The following KYNU variants were observed in gnomAD, a reference collection of about 807,000 sequenced individuals.
KYNU encodes L-kynurenine hydrolase.
KYNU carries 54 observed loss-of-function variants against 59.2 expected under a neutral mutation model. The observed-to-expected ratio is 0.91, with a 90% confidence interval of 0.73 to 1.14. The LOEUF (loss-of-function observed/expected upper bound fraction) is 1.14, where lower values mean the gene tolerates loss of function less well. Among genes scored for constraint, KYNU ranks in the 50% most tolerant of loss-of-function variants. The probability of loss-of-function intolerance (pLI) is 0.00; values close to 1 mark genes in which losing one functional copy is unlikely to be tolerated. For synonymous variants in KYNU, 177 were observed against 192.0 expected (o/e 0.92, Z 0.65); for missense variants, 567 against 554.4 (o/e 1.02, Z -0.23).
chr2:142,926,746 C>T (rs932682770), intron 3 of KYNU, among the ~76,000 whole-genome samples: 6 of 152,188 alleles, frequency 3.9e-5, no homozygotes, highest in Non-Finnish European at 8.8e-5. Context: ...CTGTCAGAAG[C>T]TTGCCCTAAC....
At chr2:142,909,630 A>G (rs1682414796) in intron 2 of KYNU, among the ~76,000 whole-genome samples, 1 of 152,172 alleles carries the variant, frequency 6.6e-6, no homozygotes, top group Non-Finnish European at 1.5e-5. Context: ...AAATGACATG[A>G]TTGCATTCTT....
chr2:142,884,688 C>CTTTTTTTTTT (rs70997529), intron 1 of KYNU, among the ~76,000 whole-genome samples: 23 of 77,050 alleles, frequency 3.0e-4, no homozygotes, highest in East Asian at 7.5e-4. Context: ...TTCTCTTTTC[C>CTTTTTTTTTT]TTTTTTTTTT....
At chr2:143,035,907 G>A (rs911321697) in intron 12 of KYNU, among the ~76,000 whole-genome samples, 2 of 152,108 alleles carry the variant, frequency 1.3e-5, no homozygotes, top group Admixed American at 6.6e-5. Context: ...ACAGCAGCTG[G>A]GACTACAAGA....
chr2:143,035,912 A>G (rs941470540), intron 12 of KYNU, among the ~76,000 whole-genome samples: 1 of 152,120 alleles, frequency 6.6e-6, no homozygotes, highest in South Asian at 2.1e-4. Flanking sequence ...AGCTGGGACT[A>G]CAAGAGTGCA....
Position 142,912,703 on chromosome 2 carries a change from C to CTTTTT in KYNU, c.170-5886_170-5882dup, listed in dbSNP as rs1163302368. On this transcript the variant is annotated intron_variant, in intron 2 of 13. Transcript: ENST00000264170. ...TGGGATCTTTTGTATTTCTTTCTTC[C>CTTTTT]TTTTTTTTTTTTTTTTTTTTTTTTG... Among the ~76,000 whole-genome samples, 76 of 71,864 alleles carry CTTTTT rather than the reference C, an allele frequency of 1.1e-3. 1 individual carries two copies. The highest frequency in any genetic ancestry group is 1.5e-3 in the African/African-American group (21 of 14,212). The allele number at this position is 71,864 out of a possible 152,430, so 47.1% of individuals were successfully genotyped here. A position where few individuals can be genotyped will look rare whatever the true frequency, so the allele number is the denominator to read the frequency against.
At chr2:142,936,472 C>T (rs1364970463) in intron 4 of KYNU, among the ~76,000 whole-genome samples, 4 of 152,050 alleles carry the variant, frequency 2.6e-5, no homozygotes, top group Non-Finnish European at 4.4e-5. Flanking sequence ...TTTCCCATAA[C>T]GGAGGGTAGG....
At chr2:142,919,053 C>T (rs766527680) in intron 3 of KYNU, among the ~76,000 whole-genome samples, 31 of 152,098 alleles carry the variant, frequency 2.0e-4, no homozygotes, top group Non-Finnish European at 3.7e-4. Flanking sequence ...GGAATAGTGA[C>T]GAGAAAAAAA....
At chr2:142,935,469 G>T (rs867272270) in intron 4 of KYNU, among the ~76,000 whole-genome samples, 1 of 152,162 alleles carries the variant, frequency 6.6e-6, no homozygotes, top group African/African-American at 2.4e-5. Context: ...GTGATGAATT[G>T]TATCAGCCTG....
intron 4 of KYNU, among the ~76,000 whole-genome samples, chr2:142,928,343 C>T (rs1471594296): frequency 6.6e-6 from 1 of 151,992 alleles, no homozygotes; most frequent in Admixed American, 6.6e-5. Context: ...CTTAAATATT[C>T]AGCATTGTTT....
chr2:142,904,265 G>T (rs555769732), intron 2 of KYNU, among the ~76,000 whole-genome samples: 5 of 152,104 alleles, frequency 3.3e-5, no homozygotes, highest in African/African-American at 4.8e-5. Context: ...TAATCTATAG[G>T]CTTCTTCCTA....
chr2:142,933,274 A>G (rs1683286903), intron 4 of KYNU, among the ~76,000 whole-genome samples: 1 of 152,132 alleles, frequency 6.6e-6, no homozygotes, highest in African/African-American at 2.4e-5. Flanking sequence ...GTGTAACTCT[A>G]TGCTGTTGGT....
chr2:142,985,024 T>C, intron 8 of KYNU, 60 bp from the exon 9 acceptor site: 2 of 979,794 alleles, frequency 2.0e-6, no homozygotes, highest in Non-Finnish European at 3.3e-6. Flanking sequence ...TAAAAATATT[T>C]GTACTTATTA....
rs542562991 is a variant in KYNU, at chr2:142,999,943, T to C, written c.902+13922T>C. 1.2e-4 allele frequency among the ~76,000 whole-genome samples: 18 copies of C among 152,186 alleles called. 1 individual carries two copies. Among genetic ancestry groups the C allele is most frequent in the Middle Eastern group, 3.4e-3 (1 of 294 alleles). ...AGCATTCATCTTACCAAGTTGCAATTTTTTCCAGAGGAGATAACATTTAGA... is the reference window on the plus strand; with the variant it reads ...AGCATTCATCTTACCAAGTTGCAATCTTTTCCAGAGGAGATAACATTTAGA... On this transcript the variant is annotated intron_variant, in intron 10 of 13. Transcript: ENST00000264170.
chr2:142,953,432 A>G (rs1310588897), intron 4 of KYNU, among the ~76,000 whole-genome samples: 2 of 152,236 alleles, frequency 1.3e-5, no homozygotes, highest in Non-Finnish European at 1.5e-5. Context: ...TTAACACCCA[A>G]TATAGAGTTG....
In KYNU at chr2:143,050,377, T is replaced by C. The variant is rs1336058590; in HGVS notation, c.*8205T>C. On this transcript the variant is annotated 3_prime_UTR_variant, in exon 14 of 14. Transcript: ENST00000264170. ...TCCATGTATTCTCGCCTCCCACTTATGAGTGAGAACACGCGATGTTTGGTT... is the reference window on the plus strand; with the variant it reads ...TCCATGTATTCTCGCCTCCCACTTACGAGTGAGAACACGCGATGTTTGGTT... 1 of 152,050 alleles carries C rather than the reference T, an allele frequency of 6.6e-6. No individual in the cohort carries two copies. Among genetic ancestry groups the C allele is most frequent in the African/African-American group, 2.4e-5 (1 of 41,422 alleles). 9.4% of individuals were successfully genotyped at this position (152,050 alleles called of 1,614,324 possible). A position where few individuals can be genotyped will look rare whatever the true frequency, so the allele number is the denominator to read the frequency against.
intron 2 of KYNU, among the ~76,000 whole-genome samples, chr2:142,899,931 TG>T (rs967292491): frequency 6.6e-6 from 1 of 152,120 alleles, no homozygotes; most frequent in African/African-American, 2.4e-5. Flanking sequence ...AAAGTGTTAC[TG>T]GGGGGTTCTA....
intron 12 of KYNU, 56 bp downstream of exon 12, chr2:143,033,377 T>C: frequency 8.2e-7 from 1 of 1,222,562 alleles, no homozygotes; most frequent in East Asian, 2.3e-5. Flanking sequence ...TTGATCTGTT[T>C]GTGACAATTC....
intron 4 of KYNU, chr2:142,947,141 G>A: frequency 6.4e-7 from 1 of 1,551,058 alleles, no homozygotes; most frequent in Non-Finnish European, 8.7e-7. Context: ...CAATCAACCT[G>A]GAAATGACCT....
chr2:142,985,857 T>C (rs1312741499), intron 9 of KYNU, 91 bp from the exon 10 acceptor site: 2 of 812,374 alleles, frequency 2.5e-6, no homozygotes, highest in African/African-American at 1.7e-5. Flanking sequence ...TCAAATGTTG[T>C]GGTTTCAATT....
Sources: allele counts gnomAD v4.1 joint callset (sites outside exome capture counted in the v4.1 genomes callset), GRCh38; gene constraint gnomAD v4.1.1; transcripts MANE v1.5; gene names NCBI Gene and HGNC (gene_info 2026-07-23, HGNC 2026-07-21).